Variants in GALNTL6 observed in about 807,000 individuals in gnomAD.
GALNTL6 encodes the protein polypeptide N-acetylgalactosaminyltransferase-like 6.
In GALNTL6, 46 loss-of-function variants were observed where a neutral mutation model predicts 73.7. That is an observed-to-expected ratio of 0.62 (90% CI 0.49 to 0.80). The LOEUF is 0.80. GALNTL6 is among the 30% of genes least tolerant of loss of function. The pLI is 0.00. For missense variants in GALNTL6, 604 were observed against 755.0 expected (o/e 0.80, Z 2.34); for synonymous variants, 259 against 263.7 (o/e 0.98, Z 0.17).
chr4:172,911,184 A>T (rs991319471), intron 8 of GALNTL6, among the ~76,000 whole-genome samples: 4 of 152,222 alleles, frequency 2.6e-5, no homozygotes, highest in African/African-American at 4.8e-5. Context: ...GACTCCCTGG[A>T]AGGGTAAAAC....
At chr4:172,808,566 A>G (rs576118985) in intron 5 of GALNTL6, among the ~76,000 whole-genome samples, 43 of 152,226 alleles carry the variant, frequency 2.8e-4, no homozygotes, top group Non-Finnish European at 5.7e-4. Context: ...ATATAAGTAC[A>G]TAACCCCGGA....
chr4:172,955,289 C>A (rs1749659317), intron 10 of GALNTL6, among the ~76,000 whole-genome samples: 1 of 151,820 alleles, frequency 6.6e-6, no homozygotes. Flanking sequence ...ACCAGCCTAG[C>A]CAACATGGTG....
intron 2 of GALNTL6, among the ~76,000 whole-genome samples, chr4:172,215,929 C>T (rs193222230): frequency 2.6e-5 from 4 of 152,206 alleles, no homozygotes; most frequent in African/African-American, 9.6e-5. Context: ...TCTAAGTCCA[C>T]AGTAAATAAC....
intron 5 of GALNTL6, among the ~76,000 whole-genome samples, chr4:172,792,212 T>G (rs1740032652): frequency 6.6e-6 from 1 of 152,174 alleles, no homozygotes; most frequent in African/African-American, 2.4e-5. Context: ...CGCAAATAAA[T>G]GAAGAGTATA....
intron 5 of GALNTL6, among the ~76,000 whole-genome samples, chr4:172,385,200 C>T (rs1409864244): frequency 6.6e-6 from 1 of 151,634 alleles, no homozygotes; most frequent in Non-Finnish European, 1.5e-5. Flanking sequence ...TATAGACTAG[C>T]ATATGGTTTA....
Position 172,931,217 on chromosome 4 carries a change from C to A in GALNTL6, c.1098C>A (p.Ile366=). The A allele has an allele frequency of 6.2e-7, 1 of 1,612,672 alleles. No homozygotes were observed. The highest frequency in any genetic ancestry group is 8.5e-7 in the Non-Finnish European group (1 of 1,178,716). The stretch of plus-strand genomic sequence containing the variant: ...TTCCATGTTCTAGAGTTGGTCATAT[C>A]TACAGGAAGTACGTTCCATACAAAG... The part of the protein sequence containing the change: ...FDVPCSRVGH[I]YRKYVPYKVP... The change falls in exon 9 of 13, where the codon ATC becomes ATA. Residue 366 remains isoleucine, a synonymous_variant. Coordinates refer to ENST00000506823, the MANE Select transcript of GALNTL6 (RefSeq NM_001034845.3).
intron 2 of GALNTL6, among the ~76,000 whole-genome samples, chr4:172,206,780 TTGTTTTGTTTTGTTTTGTTTTTCTG>T (rs1300560525): frequency 7.6e-5 from 6 of 79,044 alleles, no homozygotes; most frequent in Admixed American, 4.7e-4. Context: ...AACGTGTTTT[TTGTTTTGTTTTGTTTTGTTTTTCTG>T]TTTTTTTTGT....
chr4:172,377,901 T>TCC (rs374764957), intron 5 of GALNTL6, among the ~76,000 whole-genome samples: 1 of 142,790 alleles, frequency 7.0e-6, no homozygotes, highest in Non-Finnish European at 1.5e-5. Flanking sequence ...CAGCACCAGA[T>TCC]CCCCCCCCCC....
chr4:172,482,676 G>A (rs749840283), intron 5 of GALNTL6, among the ~76,000 whole-genome samples: 2 of 152,126 alleles, frequency 1.3e-5, no homozygotes, highest in African/African-American at 2.4e-5. Flanking sequence ...TTCAGTTTTT[G>A]GTAATTTGTA....
At chr4:172,630,867 A>T (rs1739367171) in intron 5 of GALNTL6, among the ~76,000 whole-genome samples, 1 of 150,950 alleles carries the variant, frequency 6.6e-6, no homozygotes, top group Admixed American at 6.6e-5. Context: ...ACATATATAT[A>T]TACTGCATAG....
At chr4:172,276,264 G>A (rs1039084001) in intron 3 of GALNTL6, among the ~76,000 whole-genome samples, 1 of 152,052 alleles carries the variant, frequency 6.6e-6, no homozygotes, top group Non-Finnish European at 1.5e-5. Flanking sequence ...ATGTTTCCTG[G>A]AGCCACGGCA....
At chr4:172,972,278 A>T (rs1750616581) in intron 10 of GALNTL6, among the ~76,000 whole-genome samples, 2 of 152,182 alleles carry the variant, frequency 1.3e-5, no homozygotes, top group Admixed American at 6.5e-5. Flanking sequence ...AACCTAAACC[A>T]TGTCATCAAT....
chr4:171,981,906 T>TTA (rs951683780), intron 2 of GALNTL6, among the ~76,000 whole-genome samples: 14 of 151,854 alleles, frequency 9.2e-5, no homozygotes, highest in Middle Eastern at 6.8e-3. Flanking sequence ...ATGTAAATAT[T>TTA]TATATATATA....
intron 5 of GALNTL6, among the ~76,000 whole-genome samples, chr4:172,746,183 G>A (rs970672279): frequency 6.6e-6 from 1 of 151,888 alleles, no homozygotes; most frequent in African/African-American, 2.4e-5. Flanking sequence ...TGTTTTGTTA[G>A]GCAGGTTAGT....
intron 2 of GALNTL6, among the ~76,000 whole-genome samples, chr4:172,229,113 C>T (rs1057094362): frequency 6.6e-6 from 1 of 152,148 alleles, no homozygotes; most frequent in Non-Finnish European, 1.5e-5. Flanking sequence ...CCTCAGTTTA[C>T]TCGGCAGAAA....
At chr4:172,139,511 G>T (rs1011040442) in intron 2 of GALNTL6, among the ~76,000 whole-genome samples, 2 of 152,106 alleles carry the variant, frequency 1.3e-5, no homozygotes, top group East Asian at 3.9e-4. Context: ...GCCCTAAACT[G>T]GGGTATTAAT....
chr4:172,034,389 AGCGT>A (rs200970561), intron 2 of GALNTL6, among the ~76,000 whole-genome samples: 9,806 of 104,782 alleles, frequency 0.094, 568 homozygotes, highest in African/African-American at 0.12. Context: ...CCTTAAGGGG[AGCGT>A]GCGTGCGTGT....
chr4:172,583,873 G>A (rs555289362), intron 5 of GALNTL6, among the ~76,000 whole-genome samples: 4 of 122,936 alleles, frequency 3.3e-5, no homozygotes, highest in East Asian at 5.0e-4. Context: ...AGCCTGGGCC[G>A]ACAGAGCGAG....
At chr4:171,819,605 C>G (rs1175393343) in intron 2 of GALNTL6, among the ~76,000 whole-genome samples, 2 of 151,934 alleles carry the variant, frequency 1.3e-5, no homozygotes, top group Admixed American at 1.3e-4. Context: ...CAGGAGTAGC[C>G]GTGACAACCC....
Sources: allele counts gnomAD v4.1 joint callset (sites outside exome capture counted in the v4.1 genomes callset), GRCh38; gene constraint gnomAD v4.1.1; transcripts MANE v1.5; gene names NCBI Gene and HGNC (gene_info 2026-07-23, HGNC 2026-07-21).